PLXDC2: variants seen among roughly 807,000 people sequenced by gnomAD.
The protein encoded by PLXDC2 is plexin domain containing 2.
A neutral mutation model predicts 68.9 loss-of-function variants in PLXDC2; 40 were observed. That is an observed-to-expected ratio of 0.58 (90% CI 0.45 to 0.76). PLXDC2 has a LOEUF of 0.76. Among genes scored for constraint, PLXDC2 ranks in the 30% least tolerant of loss-of-function variants. The probability of loss-of-function intolerance (pLI) is 0.00; values close to 1 mark genes in which losing one functional copy is unlikely to be tolerated. For missense variants in PLXDC2, 644 were observed against 661.9 expected, an observed-to-expected ratio of 0.97 and a Z score of 0.30; for synonymous variants, 243 against 234.2, an observed-to-expected ratio of 1.04 and a Z score of -0.34.
chr10:20,031,895 G>A (rs192774675), intron 2 of PLXDC2, among the ~76,000 whole-genome samples: 1 of 151,690 alleles, frequency 6.6e-6, no homozygotes, highest in Admixed American at 6.6e-5. Context: ...GCATAATCTC[G>A]GCCCACTGCA....
chr10:20,250,346 A>G (rs758855856), intron 13 of PLXDC2, among the ~76,000 whole-genome samples: 20 of 151,250 alleles, frequency 1.3e-4, no homozygotes, highest in Non-Finnish European at 2.7e-4. Context: ...CCAGTCTCCT[A>G]TTGCAGAGCA....
At chr10:20,172,228 A>AG (rs1375287229) in intron 7 of PLXDC2, among the ~76,000 whole-genome samples, 1 of 114,906 alleles carries the variant, frequency 8.7e-6, no homozygotes, top group African/African-American at 3.8e-5. Context: ...CTTTGTGAAA[A>AG]GGAAAAAAAA....
At chr10:19,906,393 G>T (rs954859495) in intron 1 of PLXDC2, among the ~76,000 whole-genome samples, 1 of 152,290 alleles carries the variant, frequency 6.6e-6, no homozygotes, top group South Asian at 2.1e-4. Flanking sequence ...GGAAAATGTG[G>T]ACAAGAGCTT....
At chr10:20,124,397 A>G (rs889620701) in intron 4 of PLXDC2, among the ~76,000 whole-genome samples, 9 of 152,170 alleles carry the variant, frequency 5.9e-5, no homozygotes, top group Non-Finnish European at 1.2e-4. Flanking sequence ...CCGATTTAAA[A>G]TTGGTGAGAT....
At position 20,143,434 on chromosome 10, in the gene PLXDC2, C is replaced by T. The variant is rs80046724; in HGVS notation, c.664+17C>T. On this transcript the variant is annotated intron_variant, in intron 5 of 13. Transcript: ENST00000377252. ...TTGATAATGGTATGTGTTGAGTAGC[C>T]TATTTTTTGCTGCATGTATATTTTT... is the stretch of plus-strand genomic sequence containing the variant. 5.4e-4 allele frequency: 864 copies of T among 1,610,210 alleles called. 4 individuals carry two copies. The East Asian group carries it at 0.017, about 32-fold the overall frequency.
At chr10:20,235,919 T>A (rs1228853313) in intron 12 of PLXDC2, among the ~76,000 whole-genome samples, 1 of 152,196 alleles carries the variant, frequency 6.6e-6, no homozygotes, top group African/African-American at 2.4e-5. Flanking sequence ...ATTTTTGATA[T>A]TCCATAGTCA....
chr10:19,934,446 C>A (rs1405751792), intron 1 of PLXDC2, among the ~76,000 whole-genome samples: 1 of 152,170 alleles, frequency 6.6e-6, no homozygotes, highest in Non-Finnish European at 1.5e-5. Flanking sequence ...AAGAGAGATG[C>A]CACCTTCTGC....
intron 1 of PLXDC2, among the ~76,000 whole-genome samples, chr10:19,926,144 T>C (rs1833534720): frequency 6.6e-6 from 1 of 152,282 alleles, no homozygotes; most frequent in African/African-American, 2.4e-5. Flanking sequence ...TAACTAGAAA[T>C]GAATTTAGAG....
At chr10:20,261,671 A>G (rs1343928380) in intron 13 of PLXDC2, among the ~76,000 whole-genome samples, 1 of 152,100 alleles carries the variant, frequency 6.6e-6, no homozygotes, top group Admixed American at 6.5e-5. Context: ...CCTAACCAAC[A>G]TGGAGAAACC....
intron 4 of PLXDC2, among the ~76,000 whole-genome samples, chr10:20,131,189 T>G (rs1437754575): frequency 3.3e-5 from 5 of 151,706 alleles, no homozygotes; most frequent in African/African-American, 7.3e-5. Flanking sequence ...AGATTTTCTA[T>G]TCTGTTTTTT....
chr10:20,225,767 C>G (rs1350897192), intron 12 of PLXDC2, among the ~76,000 whole-genome samples: 1 of 152,112 alleles, frequency 6.6e-6, no homozygotes, highest in Non-Finnish European at 1.5e-5. Flanking sequence ...AAACTATTCT[C>G]CATAACAATT....
At chr10:20,049,996 C>T (rs1835864092) in intron 3 of PLXDC2, among the ~76,000 whole-genome samples, 1 of 152,114 alleles carries the variant, frequency 6.6e-6, no homozygotes, top group African/African-American at 2.4e-5. Flanking sequence ...CAGCATGTTA[C>T]TGGTACAAAA....
chr10:19,970,002 T>G (rs1357247933), intron 1 of PLXDC2, among the ~76,000 whole-genome samples: 1 of 152,216 alleles, frequency 6.6e-6, no homozygotes, highest in African/African-American at 2.4e-5. Context: ...GGCTACATTT[T>G]TAGTCTAAAT....
chr10:20,041,314 C>A (rs1461161865), intron 2 of PLXDC2, among the ~76,000 whole-genome samples: 1 of 152,080 alleles, frequency 6.6e-6, no homozygotes, highest in Non-Finnish European at 1.5e-5. Context: ...CAAAAAAATT[C>A]TTGAGTCACA....
chr10:19,980,488 A>C (rs1342680898), intron 1 of PLXDC2, among the ~76,000 whole-genome samples: 1 of 152,180 alleles, frequency 6.6e-6, no homozygotes, highest in Non-Finnish European at 1.5e-5. Context: ...TCAAGGTGGC[A>C]GCAGATCTGG....
intron 1 of PLXDC2, among the ~76,000 whole-genome samples, chr10:19,898,709 A>G (rs143686018): frequency 5.5e-4 from 84 of 152,288 alleles, no homozygotes; most frequent in East Asian, 4.2e-3. Context: ...CTGTCAAATA[A>G]TTGGAATTGT....
intron 1 of PLXDC2, among the ~76,000 whole-genome samples, chr10:19,991,177 C>G (rs549307751): frequency 1.3e-5 from 2 of 150,460 alleles, no homozygotes; most frequent in East Asian, 2.0e-4. Flanking sequence ...ACCTGGGAGG[C>G]AGAGGTTGCG....
intron 4 of PLXDC2, among the ~76,000 whole-genome samples, chr10:20,103,686 T>C (rs1406290251): frequency 6.7e-6 from 1 of 149,462 alleles, no homozygotes; most frequent in Non-Finnish European, 1.5e-5. Flanking sequence ...TTGTCTCCCA[T>C]GCTGGAGTGC....
chr10:20,188,226 T>G (rs532714741), intron 9 of PLXDC2, among the ~76,000 whole-genome samples: 87 of 151,838 alleles, frequency 5.7e-4, no homozygotes, highest in African/African-American at 2.1e-3. Flanking sequence ...GGCTGTACTT[T>G]GTATTCATTA....
Sources: allele counts gnomAD v4.1 joint callset (sites outside exome capture counted in the v4.1 genomes callset), GRCh38; gene constraint gnomAD v4.1.1; transcripts MANE v1.5; gene names NCBI Gene and HGNC (gene_info 2026-07-23, HGNC 2026-07-21).